Variants in SLC41A3 observed in about 807,000 individuals in gnomAD.
SLC41A3 encodes the protein solute carrier family 41 member 3.
Under a neutral mutation model 45.4 loss-of-function variants are expected in SLC41A3, and 44 were observed. The observed-to-expected ratio is 0.97, with a 90% confidence interval of 0.76 to 1.25. The LOEUF (loss-of-function observed/expected upper bound fraction) is 1.25, where lower values mean the gene tolerates loss of function less well. Ranked by LOEUF, SLC41A3 falls within the 50% of genes most tolerant of loss-of-function variation. SLC41A3 has a pLI of 0.00. For synonymous variants in SLC41A3, 256 were observed against 252.4 expected, an observed-to-expected ratio of 1.01 and a Z score of -0.13; for missense variants, 550 against 600.6, an observed-to-expected ratio of 0.92 and a Z score of 0.88.
At chr3:126,089,128 T>TA (rs769596717), upstream of SLC41A3, among the ~76,000 whole-genome samples, 8 of 152,212 alleles carry the variant, frequency 5.3e-5, no homozygotes, top group Non-Finnish European at 1.2e-4. Context: ...TTCCACCAAA[T>TA]ATGCCTATTA....
chr3:126,013,854 G>A (rs979246216), intron 8 of SLC41A3, among the ~76,000 whole-genome samples: 3 of 152,184 alleles, frequency 2.0e-5, no homozygotes, highest in African/African-American at 7.2e-5. Flanking sequence ...GTCATGTGTA[G>A]ACTGACAGGG....
chr3:126,094,862 A>T (rs1945562684), intron 1 of SLC41A3, among the ~76,000 whole-genome samples: 2 of 152,354 alleles, frequency 1.3e-5, no homozygotes, highest in East Asian at 3.8e-4. Context: ...GTGATTTCTG[A>T]TTCTTCATAC....
At chr3:126,007,741 G>T (rs1218532535) in intron 10 of SLC41A3, among the ~76,000 whole-genome samples, 1 of 152,162 alleles carries the variant, frequency 6.6e-6, no homozygotes, top group Non-Finnish European at 1.5e-5. Context: ...GACAACTTCT[G>T]GGATTTCCCT....
intron 6 of SLC41A3, among the ~76,000 whole-genome samples, chr3:126,019,856 G>C (rs1030502974): frequency 1.3e-5 from 2 of 151,954 alleles, no homozygotes; most frequent in African/African-American, 4.8e-5. Context: ...CTGCAGTCCT[G>C]GGGTCTTGGC....
intron 1 of SLC41A3, among the ~76,000 whole-genome samples, chr3:126,069,429 A>C (rs764045994): frequency 6.6e-6 from 1 of 152,178 alleles, no homozygotes; most frequent in Non-Finnish European, 1.5e-5. Context: ...GTGGCCACAT[A>C]CAACAGAGAA....
At chr3:126,055,533 C>G (rs1943599778) in intron 2 of SLC41A3, among the ~76,000 whole-genome samples, 1 of 152,112 alleles carries the variant, frequency 6.6e-6, no homozygotes, top group African/African-American at 2.4e-5. Flanking sequence ...AAAAGCAAAA[C>G]TGCATACTAT....
intron 2 of SLC41A3, among the ~76,000 whole-genome samples, chr3:126,064,674 C>T (rs1014600145): frequency 6.6e-6 from 1 of 152,204 alleles, no homozygotes; most frequent in Non-Finnish European, 1.5e-5. Context: ...CCCCTCCAGC[C>T]AGCCCTCTTG....
chr3:126,093,746 A>C (rs955511894), intron 1 of SLC41A3, among the ~76,000 whole-genome samples: 1 of 152,246 alleles, frequency 6.6e-6, no homozygotes, highest in Non-Finnish European at 1.5e-5. Context: ...ATATGTGGGA[A>C]TGGGAAAAAG....
rs780157014 is a variant in SLC41A3, at chr3:126,006,400, T to C, written c.*616A>G. Reference sequence around the variant, plus strand: ...GTTTTATTTTACACTTCTCTGATTATTGAAATCTAAATAGAGGTTTTTGCT... The same window carrying C: ...GTTTTATTTTACACTTCTCTGATTACTGAAATCTAAATAGAGGTTTTTGCT... On this transcript the variant is annotated 3_prime_UTR_variant, in exon 11 of 11. Transcript: ENST00000360370. The C allele has an allele frequency of 1.6e-5, 26 of 1,608,098 alleles. No homozygotes were observed. The highest frequency in any genetic ancestry group is 2.1e-5 in the Non-Finnish European group (25 of 1,177,426).
chr3:126,040,622 C>T (rs1295773572), intron 3 of SLC41A3, among the ~76,000 whole-genome samples: 1 of 151,984 alleles, frequency 6.6e-6, no homozygotes, highest in East Asian at 1.9e-4. Flanking sequence ...TGGCCTGGCT[C>T]CAAGCAGATG....
At chr3:126,094,486 A>G (rs1414771114) in intron 1 of SLC41A3, among the ~76,000 whole-genome samples, 1 of 152,264 alleles carries the variant, frequency 6.6e-6, no homozygotes, top group Non-Finnish European at 1.5e-5. Context: ...GAAAAAAATC[A>G]GGTAAATGGA....
At chr3:126,037,660 A>C (rs959005637) in intron 3 of SLC41A3, among the ~76,000 whole-genome samples, 1 of 152,196 alleles carries the variant, frequency 6.6e-6, no homozygotes, top group Non-Finnish European at 1.5e-5. Context: ...GTGGGGGCAA[A>C]TGAATGACTA....
upstream of SLC41A3, among the ~76,000 whole-genome samples, chr3:126,088,618 T>C (rs764332543): frequency 6.6e-6 from 1 of 152,112 alleles, no homozygotes; most frequent in Non-Finnish European, 1.5e-5. Flanking sequence ...CAGATAAAAC[T>C]AAATAGAACA....
chr3:126,027,240 A>T (rs1941433107), intron 4 of SLC41A3, among the ~76,000 whole-genome samples: 1 of 150,922 alleles, frequency 6.6e-6, no homozygotes, highest in African/African-American at 2.4e-5. Context: ...TCATGGTTTA[A>T]CATCACCGCC....
intron 8 of SLC41A3, among the ~76,000 whole-genome samples, chr3:126,015,195 A>C (rs1433588231): frequency 6.6e-6 from 1 of 152,194 alleles, no homozygotes; most frequent in East Asian, 1.9e-4. Flanking sequence ...CCGGAGTTTG[A>C]CTCAGTGCCT....
intron 1 of SLC41A3, among the ~76,000 whole-genome samples, chr3:126,098,410 T>C (rs1474026865): frequency 6.6e-6 from 1 of 152,204 alleles, no homozygotes; most frequent in African/African-American, 2.4e-5. Flanking sequence ...CCTCCAGAAC[T>C]GTGAGAAAAT....
At position 126,016,793 on chromosome 3, in the gene SLC41A3, T is replaced by C. The variant is rs370004547; in HGVS notation, c.828A>G (p.Pro276=). 53 of 1,612,582 alleles carry C rather than the reference T, an allele frequency of 3.3e-5. No individual in the cohort carries two copies. The highest frequency in any genetic ancestry group is 4.2e-5 in the Non-Finnish European group (50 of 1,179,602). Residue 276 remains proline, a synonymous_variant, in exon 7 of 11, where the codon CCA becomes CCG. Transcript: ENST00000360370. ...PVWVLIAKQS[P]PIVKILKFGW... ...CAAACTTCAGGATCTTCACGATGGG[T>C]GGGCTCTGCTTGGCAATGAGGACCC...
chr3:126,032,690 GC>G (rs1941890802), intron 4 of SLC41A3, among the ~76,000 whole-genome samples: 1 of 152,200 alleles, frequency 6.6e-6, no homozygotes, highest in Non-Finnish European at 1.5e-5. Flanking sequence ...TTTTGGGGGT[GC>G]CTCTGGGACA....
intron 8 of SLC41A3, 70 bp from the exon 9 acceptor site, chr3:126,012,819 G>T: frequency 6.3e-7 from 1 of 1,584,042 alleles, no homozygotes; most frequent in Non-Finnish European, 8.6e-7. Context: ...CTTATTTTAA[G>T]TTCCCTTCCT....
Sources: gnomAD v4.1 joint callset for allele counts (sites outside exome capture counted in the v4.1 genomes callset) on GRCh38, gnomAD v4.1.1 for gene constraint, MANE v1.5 for transcripts, NCBI Gene and HGNC (gene_info 2026-07-23, HGNC 2026-07-21) for gene names.